The following HEATR6 variants were observed in gnomAD, a reference collection of about 807,000 sequenced individuals.
HEATR6 encodes HEAT repeat-containing protein 6.
A neutral mutation model predicts 132.8 loss-of-function variants in HEATR6; 106 were observed. The ratio of observed to expected loss-of-function variants is 0.80; its 90% CI spans 0.68 to 0.94. The LOEUF (loss-of-function observed/expected upper bound fraction) is 0.94, where lower values mean the gene tolerates loss of function less well. Ranked by LOEUF, HEATR6 falls within the 40% of genes least tolerant of loss-of-function variation. The pLI, the probability that HEATR6 is intolerant of heterozygous loss-of-function variation, is 0.00. For missense variants in HEATR6, 1,339 were observed against 1,425.1 expected (o/e 0.94, Z 0.97); for synonymous variants, 529 against 537.8 (o/e 0.98, Z 0.23).
chr17:60,057,292 C>T lies in HEATR6; in HGVS notation c.1835G>A (p.Gly612Asp), dbSNP rs770515886. 2.5e-6 allele frequency: 4 copies of T among 1,614,054 alleles called. No homozygotes were observed. Among genetic ancestry groups the T allele is most frequent in the Non-Finnish European group, 2.5e-6 (3 of 1,180,024 alleles). ...GTGAGGGGTTGCTGAATTGCTATTACCGAGTCCAGAAGAACATGGCTGTTG... is the reference window on the plus strand; with the variant it reads ...GTGAGGGGTTGCTGAATTGCTATTATCGAGTCCAGAAGAACATGGCTGTTG... ...LLQQPCSSGLGNSNSATPHLS... is the reference protein window; with the variant it reads ...LLQQPCSSGLDNSNSATPHLS... The change falls in exon 12 of 20, where the codon GGT becomes GAT. Residue 612 changes from glycine (G) to aspartate (D), a missense_variant. Transcript: ENST00000184956.
At chr17:60,049,541 C>T in intron 16 of HEATR6, 39 bp downstream of exon 16, 1 of 1,611,286 alleles carries the variant, frequency 6.2e-7, no homozygotes. Context: ...TCATGGACTA[C>T]AAAAGGGGCA....
At chr17:60,066,552 T>C (rs1349862127) in intron 8 of HEATR6, among the ~76,000 whole-genome samples, 166 bp from the exon 9 acceptor site, 2 of 152,220 alleles carry the variant, frequency 1.3e-5, no homozygotes, top group African/African-American at 4.8e-5. Context: ...AAATTTTTCT[T>C]TCAAACTACA....
At chr17:60,077,476 G>A (rs1052171619) in intron 1 of HEATR6, among the ~76,000 whole-genome samples, 7 of 152,196 alleles carry the variant, frequency 4.6e-5, no homozygotes, top group African/African-American at 1.7e-4. Flanking sequence ...CCCGACTACT[G>A]CCTTAATCTC....
At chr17:60,076,412 G>A in intron 1 of HEATR6, 175 bp from the exon 2 acceptor site, 1 of 560,006 alleles carries the variant, frequency 1.8e-6, no homozygotes, top group Non-Finnish European at 3.2e-6. Flanking sequence ...TGCTAAAAAA[G>A]AAGGAAAAAG....
intron 14 of HEATR6, among the ~76,000 whole-genome samples, chr17:60,053,899 G>T (rs1384858504): frequency 6.6e-6 from 1 of 152,164 alleles, no homozygotes; most frequent in African/African-American, 2.4e-5. Context: ...TAAAAATTTG[G>T]AAAACTTGCA....
At position 60,069,764 on chromosome 17, in the gene HEATR6, G is replaced by A. The variant is rs1242773049; in HGVS notation, c.886C>T (p.Arg296Ter). The change falls in exon 7 of 20, where the codon CGA becomes TGA. Residue 296 changes from arginine to a stop codon, truncating the protein, a stop_gained. Transcript: ENST00000184956. LOFTEE classifies it high-confidence loss of function. ...GATTGCTGTGGTTTGATAGGTGTTC[G>A]CCCATCATACTGAGGAAGCGGAGTT... is the stretch of plus-strand genomic sequence containing the variant. ...YPTPLPQYDG[R>*]TPIKPQQSES... 11 of 1,613,766 alleles carry A rather than the reference G, an allele frequency of 6.8e-6. No individual in the cohort carries two copies. The Admixed American group carries it at 8.3e-5, about 12-fold the overall frequency.
intron 16 of HEATR6, among the ~76,000 whole-genome samples, chr17:60,049,302 A>T (rs1340665919): frequency 6.6e-6 from 1 of 151,094 alleles, no homozygotes; most frequent in Admixed American, 6.6e-5. Context: ...CTAATTTTTA[A>T]AATTTTTTGT....
chr17:60,072,709 C>G (rs921412279), intron 4 of HEATR6, among the ~76,000 whole-genome samples: 1 of 152,182 alleles, frequency 6.6e-6, no homozygotes, highest in Non-Finnish European at 1.5e-5. Flanking sequence ...CTGTGCTATG[C>G]AGAGACGAGT....
chr17:60,074,124 T>C (rs1161500413), intron 2 of HEATR6: 2 of 1,228,056 alleles, frequency 1.6e-6, no homozygotes, highest in Non-Finnish European at 2.0e-6. Flanking sequence ...GATGAAGTCC[T>C]TGTAACTTTT....
In HEATR6 at chr17:60,048,270, ACAAT is replaced by A. The variant is rs1241920868; in HGVS notation, c.2662_2665del (p.Ile888SerfsTer20). 1 of 1,612,812 alleles carries A rather than the reference ACAAT, an allele frequency of 6.2e-7. No individual in the cohort carries two copies. The highest frequency in any genetic ancestry group is 8.5e-7 in the Non-Finnish European group (1 of 1,179,084). ...AGCAAGCTCAGTCACCTACATGTTG[ACAAT>A]CAGAGTGTCTGTCAGGTTGCCCAGG... is the stretch of plus-strand genomic sequence containing the variant. On this transcript the variant is annotated frameshift_variant, in exon 17 of 20. Coordinates refer to ENST00000184956, the MANE Select transcript of HEATR6 (RefSeq NM_022070.5). LOFTEE classifies it high-confidence loss of function.
At chr17:60,050,273 G>T (rs1906535155) in intron 15 of HEATR6, among the ~76,000 whole-genome samples, 1 of 152,096 alleles carries the variant, frequency 6.6e-6, no homozygotes. Context: ...CCCTCCCAAG[G>T]CACCAAATCT....
intron 14 of HEATR6, among the ~76,000 whole-genome samples, chr17:60,053,302 G>A (rs1363062688): frequency 6.6e-6 from 1 of 152,186 alleles, no homozygotes; most frequent in African/African-American, 2.4e-5. Context: ...ACTAGATGCT[G>A]GCACCATGCT....
chr17:60,057,319 A>T lies in HEATR6; in HGVS notation c.1808T>A (p.Leu603Gln). 1 of 1,614,174 alleles carries T rather than the reference A, an allele frequency of 6.2e-7. No homozygotes were observed. Among genetic ancestry groups the T allele is most frequent in the Non-Finnish European group, 8.5e-7 (1 of 1,180,018 alleles). ...GAGTCCAGAAGAACATGGCTGTTGC[A>T]GAAGTAGTTGGACTTCAGGTAAAGG... ...HAPLPEVQLL[L>Q]QQPCSSGLGN... is the part of the protein sequence containing the mutation. The change falls in exon 12 of 20, where the codon CTG (leucine) becomes CAG (glutamine). Residue 603 changes from leucine (L) to glutamine (Q), a missense_variant. Transcript: ENST00000184956.
In HEATR6 at chr17:60,041,439, A is replaced by T. The variant is rs181088743; in HGVS notation, c.*2124T>A. On this transcript the variant is annotated 3_prime_UTR_variant, in exon 20 of 20. Transcript: ENST00000184956. ...ATCACAGTAATAAGCTGTCTATGCC[A>T]TATTTTTTTTTTCCTTTTTTGAAAA... 1.1e-4 allele frequency among the ~76,000 whole-genome samples: 17 copies of T among 152,326 alleles called. No homozygotes were observed. Among genetic ancestry groups the T allele is most frequent in the Admixed American group, 6.5e-4 (10 of 15,290 alleles).
intron 1 of HEATR6, among the ~76,000 whole-genome samples, chr17:60,078,349 C>T (rs1215518394): frequency 6.6e-6 from 1 of 152,116 alleles, no homozygotes; most frequent in East Asian, 1.9e-4. Context: ...GTACCATGTA[C>T]GCAATAAACA....
intron 6 of HEATR6, among the ~76,000 whole-genome samples, chr17:60,070,393 AGCACTG>A (rs1223722931): frequency 6.6e-6 from 1 of 152,174 alleles, no homozygotes; most frequent in Non-Finnish European, 1.5e-5. Flanking sequence ...GCCAAGGAGA[AGCACTG>A]GCTCTTCTTG....
At chr17:60,070,309 C>T (rs566103149) in intron 6 of HEATR6, among the ~76,000 whole-genome samples, 5 of 152,202 alleles carry the variant, frequency 3.3e-5, no homozygotes, top group Admixed American at 6.5e-5. Flanking sequence ...CCTGACTTTC[C>T]GACTGACTGG....
intron 14 of HEATR6, among the ~76,000 whole-genome samples, chr17:60,053,973 C>T (rs961648073): frequency 2.6e-5 from 4 of 152,218 alleles, no homozygotes; most frequent in East Asian, 1.9e-4. Flanking sequence ...CAGATTAGCA[C>T]GACTAAAAGG....
chr17:60,063,847 C>T (rs1040917036), intron 9 of HEATR6: 60 of 152,164 alleles, frequency 3.9e-4, no homozygotes, highest in African/African-American at 1.4e-3. Context: ...AGAGGAACTC[C>T]AGCCATCTAA....
Sources: gnomAD v4.1 joint callset for allele counts (sites outside exome capture counted in the v4.1 genomes callset) on GRCh38, gnomAD v4.1.1 for gene constraint, MANE v1.5 for transcripts, NCBI Gene and HGNC (gene_info 2026-07-23, HGNC 2026-07-21) for gene names.